The following RECQL variants were observed in gnomAD, a reference collection of about 807,000 sequenced individuals.
The protein encoded by RECQL is ATP-dependent DNA helicase Q1.
In RECQL, 73 loss-of-function variants were observed where a neutral mutation model predicts 75.8. That is an observed-to-expected ratio of 0.96 (90% CI 0.80 to 1.17). The LOEUF (loss-of-function observed/expected upper bound fraction) is 1.17, where lower values mean the gene tolerates loss of function less well. Ranked by LOEUF, RECQL falls within the 50% of genes most tolerant of loss-of-function variation. RECQL has a pLI of 0.00. For synonymous variants in RECQL, 248 were observed against 254.4 expected (o/e 0.97, Z 0.24); for missense variants, 699 against 772.1 (o/e 0.91, Z 1.12).
At position 21,470,348 on chromosome 12, in the gene RECQL, T is replaced by G. The variant is rs756192830; in HGVS notation, c.1798-2A>C. 8 of 716,868 alleles carry G rather than the reference T, an allele frequency of 1.1e-5. No individual in the cohort carries two copies. Among genetic ancestry groups the G allele is most frequent in the Non-Finnish European group, 1.4e-5 (8 of 569,500 alleles). The allele number at this position is 716,868 out of a possible 1,614,324, so 44.4% of individuals were successfully genotyped here. The stretch of plus-strand genomic sequence containing the variant: ...ATGACAAGTTTGAGACGATTCAGCC[T>G]ACAAAAAAAAAAAAAAAACAAAGCA... On this transcript the variant is annotated splice_acceptor_variant, in intron 14 of 14. Coordinates refer to ENST00000444129, the MANE Select transcript of RECQL (RefSeq NM_002907.4). LOFTEE classifies it high-confidence loss of function.
rs757924023 is a variant in RECQL, at chr12:21,499,539, A to G, written c.16+16T>C. 51 of 1,577,872 alleles carry G rather than the reference A, an allele frequency of 3.2e-5. No homozygotes were observed. Among genetic ancestry groups the G allele is most frequent in the Non-Finnish European group, 4.2e-5 (49 of 1,162,654 alleles). ...TAGAACAGAAGGAAGAAGAAAATGTAATCATTGCTACTAACCTGAAACGGA... is the reference window on the plus strand; with the variant it reads ...TAGAACAGAAGGAAGAAGAAAATGTGATCATTGCTACTAACCTGAAACGGA... On this transcript the variant is annotated intron_variant, in intron 2 of 14. Transcript: ENST00000444129.
chr12:21,499,295 A>C (rs189268643), intron 2 of RECQL, among the ~76,000 whole-genome samples: 2 of 152,338 alleles, frequency 1.3e-5, no homozygotes, highest in East Asian at 3.9e-4. Context: ...ATGAGTATAG[A>C]ATTTTAGTCT....
chr12:21,471,423 C>A lies in RECQL; in HGVS notation c.1667+5G>T, dbSNP rs943870295. ...TGAAAGAATAATGAATGAGTTTGTA[C>A]ATACTTAAGATACTGCTGTATTAGA... On this transcript the variant is annotated splice_donor_5th_base_variant and intron_variant, in intron 13 of 14. Transcript: ENST00000444129. 4 of 1,605,528 alleles carry A rather than the reference C, an allele frequency of 2.5e-6. No homozygotes were observed. The African/African-American group carries it at 5.4e-5, about 22-fold the overall frequency.
At position 21,477,842 on chromosome 12, in the gene RECQL, A is replaced by G. The variant is rs1230229135; in HGVS notation, c.828T>C (p.Thr276=). The G allele has an allele frequency of 6.2e-7, 1 of 1,613,608 alleles. No individual in the cohort carries two copies. The highest frequency in any genetic ancestry group is 8.5e-7 in the Non-Finnish European group (1 of 1,179,790). The change falls in exon 7 of 15, where the codon ACT becomes ACC. Residue 276 remains threonine, a synonymous_variant. Transcript: ENST00000444129. ...TTGGCCTATTAAAAGAAGCTGTAAA[A>G]GTAAAACACTTTTCAATGCACAAAA... is the stretch of plus-strand genomic sequence containing the variant. ...QKILCIEKCF[T]FTASFNRPNL...
chr12:21,474,862 G>A lies in RECQL; in HGVS notation c.1334C>T (p.Ser445Leu), dbSNP rs1268138348. 6.2e-7 allele frequency: 1 copy of A among 1,612,762 alleles called. No individual in the cohort carries two copies. The highest frequency in any genetic ancestry group is 2.2e-5 in the East Asian group (1 of 44,862). ...VGQQKLYEMV[S>L]YCQNISKCRR... Reference sequence around the variant, plus strand: ...TTACTTGCTTATGTTTTGACAGTATGATACCATCTCATAAAGCTTCTGCTG... The same window carrying A: ...TTACTTGCTTATGTTTTGACAGTATAATACCATCTCATAAAGCTTCTGCTG... Residue 445 changes from serine to leucine, a missense_variant, in exon 11 of 15, where the codon TCA (serine) becomes TTA (leucine). Physicochemically the swap from Ser to Leu is moderately radical, Grantham distance 145. Transcript: ENST00000444129.
intron 11 of RECQL, among the ~76,000 whole-genome samples, chr12:21,474,485 T>A (rs1565563716): frequency 6.6e-6 from 1 of 152,042 alleles, no homozygotes; most frequent in Non-Finnish European, 1.5e-5. Context: ...AGGTGGCACG[T>A]TACTGAGCTT....
rs1166876849 is a variant in RECQL, at chr12:21,486,488, A to G, written c.492T>C (p.Ser164=). 2.5e-6 allele frequency: 4 copies of G among 1,589,406 alleles called. No homozygotes were observed. The highest frequency in any genetic ancestry group is 2.6e-6 in the Non-Finnish European group (3 of 1,172,784). The part of the protein sequence containing the change: ...LGISATMLNA[S]SSKEHVKWVH... ...AGCCACTGAAACATACCTTAGAACTAGAAGCATTTAACATGGTTGCTGAAA... is the reference window on the plus strand; with the variant it reads ...AGCCACTGAAACATACCTTAGAACTGGAAGCATTTAACATGGTTGCTGAAA... The change falls in exon 5 of 15, where the codon TCT becomes TCC. Residue 164 remains serine, a synonymous_variant. Coordinates refer to ENST00000444129, the MANE Select transcript of RECQL (RefSeq NM_002907.4).
rs761126956 is a variant in RECQL, at chr12:21,483,583, A to G, written c.502-9T>C. On this transcript the variant is annotated splice_polypyrimidine_tract_variant and intron_variant, in intron 5 of 14. Coordinates refer to ENST00000444129, the MANE Select transcript of RECQL (RefSeq NM_002907.4). ...ACCCATTTAACATGCTCCTATTAAA[A>G]GAAAAAAATAGACACAATGATAGTA... 2 of 1,547,708 alleles carry G rather than the reference A, an allele frequency of 1.3e-6. No homozygotes were observed. Among genetic ancestry groups the G allele is most frequent in the Non-Finnish European group, 1.7e-6 (2 of 1,150,990 alleles).
At chr12:21,496,328 G>C (rs571236647) in intron 2 of RECQL, among the ~76,000 whole-genome samples, 2 of 152,318 alleles carry the variant, frequency 1.3e-5, no homozygotes, top group Admixed American at 1.3e-4. Flanking sequence ...TTCAGCTATT[G>C]ATCTGCTGAA....
chr12:21,486,288 T>C (rs1234763809), intron 5 of RECQL, among the ~76,000 whole-genome samples, 191 bp downstream of exon 5: 1 of 152,148 alleles, frequency 6.6e-6, no homozygotes. Context: ...CATTTAAAAA[T>C]ATAAAAACCA....
intron 4 of RECQL, 67 bp downstream of exon 4, chr12:21,490,132 A>T (rs1458153003): frequency 2.4e-6 from 2 of 833,898 alleles, no homozygotes; most frequent in Non-Finnish European, 3.6e-6. Flanking sequence ...ATTATTTTTT[A>T]AAAGAATTAA....
At chr12:21,471,757 C>T (rs919468593) in intron 12 of RECQL, 110 bp from the exon 13 acceptor site, 3 of 780,930 alleles carry the variant, frequency 3.8e-6, no homozygotes, top group Non-Finnish European at 6.4e-6. Flanking sequence ...ATGTGAGCCA[C>T]CCTAAACATT....
rs1943227868 is a variant in RECQL at position 21,483,362 on chromosome 12, T to G, written c.700+14A>C. 1.3e-6 allele frequency: 2 copies of G among 1,584,118 alleles called. No individual in the cohort carries two copies. The highest frequency in any genetic ancestry group is 2.3e-5 in the South Asian group (2 of 86,672). ...CTATGACATCAAAAAGTTTTCTAGA[T>G]AAAACATACATACCAGGTCTGAAAT... On this transcript the variant is annotated intron_variant, in intron 6 of 14. Coordinates refer to ENST00000444129, the MANE Select transcript of RECQL (RefSeq NM_002907.4).
intron 4 of RECQL, among the ~76,000 whole-genome samples, chr12:21,488,214 T>G (rs1943342627): frequency 6.6e-6 from 1 of 152,204 alleles, no homozygotes; most frequent in Admixed American, 6.5e-5. Context: ...GTATTTGACA[T>G]TTTGCTAACA....
intron 4 of RECQL, among the ~76,000 whole-genome samples, chr12:21,487,989 T>C (rs1239615319): frequency 6.6e-6 from 1 of 152,210 alleles, no homozygotes; most frequent in Non-Finnish European, 1.5e-5. Context: ...TGGAATAGAC[T>C]AAGATAACAT....
At chr12:21,494,334 T>A (rs566665116) in intron 2 of RECQL, among the ~76,000 whole-genome samples, 7 of 152,094 alleles carry the variant, frequency 4.6e-5, no homozygotes, top group Admixed American at 3.9e-4. Context: ...GAGACACATA[T>A]CCAAACTACA....
At chr12:21,475,074 T>C (rs954490336) in intron 10 of RECQL, 95 bp from the exon 11 acceptor site, 5 of 1,225,178 alleles carry the variant, frequency 4.1e-6, no homozygotes, top group South Asian at 3.0e-5. Context: ...CAATGTTTTA[T>C]ACTACATCTA....
chr12:21,483,696 C>G, intron 5 of RECQL, 122 bp from the exon 6 acceptor site: 1 of 690,692 alleles, frequency 1.4e-6, no homozygotes, highest in Non-Finnish European at 2.4e-6. Flanking sequence ...CTTCTAGGAG[C>G]AGATGTTTAG....
At chr12:21,486,712 C>G in intron 4 of RECQL, 127 bp from the exon 5 acceptor site, 1 of 797,206 alleles carries the variant, frequency 1.3e-6, no homozygotes, top group Non-Finnish European at 1.8e-6. Flanking sequence ...ACTCTCTTGC[C>G]CAGGCTAGAG....
Sources: gnomAD v4.1 joint callset for allele counts (sites outside exome capture counted in the v4.1 genomes callset) on GRCh38, gnomAD v4.1.1 for gene constraint, MANE v1.5 for transcripts, NCBI Gene and HGNC (gene_info 2026-07-23, HGNC 2026-07-21) for gene names.